The following FAHD2B variants were observed in gnomAD, a reference collection of about 807,000 sequenced individuals.
The protein encoded by FAHD2B is oxaloacetate tautomerase FAHD2B, mitochondrial.
A neutral mutation model predicts 33.7 loss-of-function variants in FAHD2B; 26 were observed. That is an observed-to-expected ratio of 0.77 (90% CI 0.57 to 1.07). The LOEUF (loss-of-function observed/expected upper bound fraction) is 1.07. Ranked by LOEUF, FAHD2B falls within the 50% of genes least tolerant of loss-of-function variation. FAHD2B has a pLI of 0.00. For missense variants in FAHD2B, 272 were observed against 388.1 expected (o/e 0.70, Z 2.51); for synonymous variants, 108 against 150.9 (o/e 0.72, Z 2.08).
At position 97,084,785 on chromosome 2, in the gene FAHD2B, T is replaced by G. The variant is rs1427584479; in HGVS notation, c.686-508A>C. 2.6e-5 allele frequency among the ~76,000 whole-genome samples: 4 copies of G among 151,832 alleles called. No individual in the cohort carries two copies. In the East Asian group the frequency reaches 7.8e-4, roughly 29 times the overall value. On this transcript the variant is annotated intron_variant, in intron 6 of 8. Coordinates refer to ENST00000414820, the MANE Select transcript of FAHD2B (RefSeq NM_001320848.2). Reference sequence around the variant, plus strand: ...AACATTAGTCAGGCGTGGTGGTGCGTGCCTGTAGTCCCAGCTACTCAGGAG... The same window carrying G: ...AACATTAGTCAGGCGTGGTGGTGCGGGCCTGTAGTCCCAGCTACTCAGGAG...
chr2:97,092,465 T>C (rs544357167), intron 1 of FAHD2B, among the ~76,000 whole-genome samples: 9 of 152,136 alleles, frequency 5.9e-5, no homozygotes, highest in Non-Finnish European at 1.2e-4. Flanking sequence ...CAGCCATCAC[T>C]TGGTCATCTC....
At chr2:97,093,472 T>C (rs899341848) in intron 1 of FAHD2B, among the ~76,000 whole-genome samples, 2 of 9,148 alleles carry the variant, frequency 2.2e-4, no homozygotes, top group Non-Finnish European at 8.7e-4. Context: ...GATTTAATTC[T>C]TTTTTTTTTT....
downstream of FAHD2B, among the ~76,000 whole-genome samples, chr2:97,080,245 A>G (rs1286724584): frequency 1.3e-5 from 2 of 152,012 alleles, no homozygotes; most frequent in South Asian, 2.1e-4. Context: ...TAAGTCTTTA[A>G]TTCATCTTCA....
chr2:97,086,245 A>G (rs1279779246), intron 4 of FAHD2B, 47 bp from the exon 5 acceptor site: 6 of 1,599,998 alleles, frequency 3.8e-6, no homozygotes, highest in African/African-American at 1.3e-5. Context: ...TTCGGGGCCC[A>G]TTATCTATGC....
At chr2:97,084,438 A>T (rs933382633) in intron 6 of FAHD2B, among the ~76,000 whole-genome samples, 161 bp from the exon 7 acceptor site, 8 of 151,998 alleles carry the variant, frequency 5.3e-5, no homozygotes, top group African/African-American at 1.9e-4. Flanking sequence ...TTCTGTATAG[A>T]CACTGGCCTT....
At chr2:97,084,987 T>C (rs2031874930) in intron 6 of FAHD2B, among the ~76,000 whole-genome samples, 1 of 151,790 alleles carries the variant, frequency 6.6e-6, no homozygotes, top group East Asian at 1.9e-4. Context: ...AAGCCTCGTG[T>C]ATCAGCCGCT....
downstream of FAHD2B, among the ~76,000 whole-genome samples, chr2:97,078,865 G>T (rs900301631): frequency 3.0e-4 from 45 of 152,036 alleles, no homozygotes; most frequent in African/African-American, 1.0e-3. Flanking sequence ...CATCACCCAG[G>T]TATTAAACCT....
chr2:97,090,280 G>C lies in FAHD2B; in HGVS notation c.291C>G (p.Thr97=). ...QLPVLPWSEV[T]FLAPVTWPDK... ...CTGGCCATGTGACTGGAGCCAGGAA[G>C]GTTACCTCCGACCATGGTAGGACTG... The change falls in exon 4 of 9, where the codon ACC becomes ACG. Residue 97 remains threonine (T), a synonymous_variant. Transcript: ENST00000414820. 1.2e-6 allele frequency: 2 copies of C among 1,613,496 alleles called. No individual in the cohort carries two copies. The highest frequency in any genetic ancestry group is 1.7e-6 in the Non-Finnish European group (2 of 1,179,774).
At position 97,090,338 on chromosome 2, in the gene FAHD2B, G is replaced by C. The variant is rs2032262871; in HGVS notation, c.246-13C>G. The C allele has an allele frequency of 2.5e-6, 4 of 1,569,000 alleles. No homozygotes were observed. Among genetic ancestry groups the C allele is most frequent in the Non-Finnish European group, 8.6e-7 (1 of 1,156,716 alleles). ...GGCAGCCAAGGCTCTGTAGAGACCA[G>C]AGCAGGTGAGAGGGTCTGGCTGGGA... On this transcript the variant is annotated splice_polypyrimidine_tract_variant and intron_variant, in intron 3 of 8. Coordinates refer to ENST00000414820, the MANE Select transcript of FAHD2B (RefSeq NM_001320848.2).
At chr2:97,088,865 T>G (rs1345658428) in intron 4 of FAHD2B, among the ~76,000 whole-genome samples, 3 of 152,062 alleles carry the variant, frequency 2.0e-5, no homozygotes, top group Non-Finnish European at 2.9e-5. Context: ...TATTTCAGTT[T>G]TATGACAATA....
intron 6 of FAHD2B, 91 bp downstream of exon 6, chr2:97,085,608 G>C: frequency 6.5e-7 from 1 of 1,548,514 alleles, no homozygotes; most frequent in Non-Finnish European, 8.7e-7. Flanking sequence ...AGGGAGGGCA[G>C]GTGCCACATG....
At chr2:97,079,650 T>C (rs911696441), downstream of FAHD2B, among the ~76,000 whole-genome samples, 24 of 151,086 alleles carry the variant, frequency 1.6e-4, no homozygotes, top group African/African-American at 5.5e-4. Flanking sequence ...TTCTTTTTTA[T>C]TTTATTTTTT....
At chr2:97,085,088 A>G (rs2031883119) in intron 6 of FAHD2B, among the ~76,000 whole-genome samples, 1 of 152,148 alleles carries the variant, frequency 6.6e-6, no homozygotes, top group African/African-American at 2.4e-5. Flanking sequence ...CCTTAAGTAG[A>G]GCAGCTGAAA....
chr2:97,093,348 A>G (rs1248156095), intron 1 of FAHD2B, among the ~76,000 whole-genome samples: 1 of 152,078 alleles, frequency 6.6e-6, no homozygotes, highest in Non-Finnish European at 1.5e-5. Flanking sequence ...CAACTGTGCC[A>G]CTGTCAAAAG....
At chr2:97,083,079 C>A, downstream of FAHD2B, 1 of 1,462,348 alleles carries the variant, frequency 6.8e-7, no homozygotes, top group South Asian at 1.4e-5. Flanking sequence ...CAGGCCTGGC[C>A]CCTGAGCCAT....
Position 97,090,243 on chromosome 2 carries a change from A to C in FAHD2B, c.328T>G (p.Cys110Gly). 6.2e-7 allele frequency: 1 copy of C among 1,611,718 alleles called. No individual in the cohort carries two copies. Among genetic ancestry groups the C allele is most frequent in the South Asian group, 1.1e-5 (1 of 90,534 alleles). Residue 110 changes from cysteine to glycine, a missense_variant, in exon 4 of 9, where the codon TGT becomes GGT. Coordinates refer to ENST00000414820, the MANE Select transcript of FAHD2B (RefSeq NM_001320848.2). ...TGGTCCACATAATTCATGCCCACAC[A>C]CACCACCTTATCTGGCCATGTGACT... is the stretch of plus-strand genomic sequence containing the variant. ...APVTWPDKVVCVGMNYVDHCK... is the reference protein window; with the variant it reads ...APVTWPDKVVGVGMNYVDHCK...
intron 1 of FAHD2B, among the ~76,000 whole-genome samples, chr2:97,093,615 C>T (rs1232664567): frequency 6.6e-6 from 1 of 151,918 alleles, no homozygotes; most frequent in African/African-American, 2.4e-5. Flanking sequence ...GCTGGGACTA[C>T]AGGCGCATGC....
At chr2:97,094,363 A>C (rs2032534689) in intron 1 of FAHD2B, among the ~76,000 whole-genome samples, 1 of 144,406 alleles carries the variant, frequency 6.9e-6, no homozygotes, top group Non-Finnish European at 1.5e-5. Flanking sequence ...ACTAGTCAGA[A>C]AGTGGCCCTG....
downstream of FAHD2B, chr2:97,083,573 C>T (rs878922327): frequency 9.3e-7 from 1 of 1,080,342 alleles, no homozygotes; most frequent in Non-Finnish European, 1.3e-6. Flanking sequence ...ACAAACAGCA[C>T]AAGCCAAGCT....
Sources: gnomAD v4.1 joint callset for allele counts (sites outside exome capture counted in the v4.1 genomes callset) on GRCh38, gnomAD v4.1.1 for gene constraint, MANE v1.5 for transcripts, NCBI Gene and HGNC (gene_info 2026-07-23, HGNC 2026-07-21) for gene names.